The following AGAP5 variants were observed in gnomAD, a reference collection of about 807,000 sequenced individuals.
The protein encoded by AGAP5 is ArfGAP with GTPase domain, ankyrin repeat and PH domain 5.
AGAP5 carries 8 observed loss-of-function variants against 27.7 expected under a neutral mutation model. The observed-to-expected ratio is 0.29, with a 90% CI of 0.17 to 0.52. AGAP5 has a LOEUF of 0.52. Among genes scored for constraint, AGAP5 ranks in the 20% least tolerant of loss-of-function variants. AGAP5 has a pLI of 0.97. For synonymous variants in AGAP5, 111 were observed against 338.0 expected, an observed-to-expected ratio of 0.33 and a Z score of 7.37; for missense variants, 285 against 880.8, an observed-to-expected ratio of 0.32 and a Z score of 8.56.
chr10:73,697,419 A>G, intron 1 of AGAP5, 114 bp downstream of exon 1: 1 of 1,591,858 alleles, frequency 6.3e-7, no homozygotes, highest in Non-Finnish European at 8.5e-7. Context: ...AGCCCCCGGG[A>G]AAGCTGGCTA....
chr10:73,674,517 T>C lies in AGAP5; in HGVS notation c.*82A>G, dbSNP rs2081959086. On this transcript the variant is annotated 3_prime_UTR_variant, in exon 8 of 8. Coordinates refer to ENST00000374094, the MANE Select transcript of AGAP5 (RefSeq NM_001144000.4). ...ATGCTATTACTAGCTGAATTTGTGA[T>C]TTCCTTTTGAAATTCTGAGTTATCC... 2.5e-6 allele frequency: 4 copies of C among 1,589,080 alleles called. No individual in the cohort carries two copies. The highest frequency in any genetic ancestry group is 1.7e-5 in the Admixed American group (1 of 58,144).
intron 4 of AGAP5, among the ~76,000 whole-genome samples, chr10:73,686,478 G>A (rs758300739): frequency 5.9e-5 from 9 of 152,268 alleles, no homozygotes; most frequent in Admixed American, 2.0e-4. Flanking sequence ...GGAAAAACCC[G>A]TCTAGACACT....
At chr10:73,688,931 G>GCCT (rs2082087136) in intron 4 of AGAP5, among the ~76,000 whole-genome samples, 1 of 152,166 alleles carries the variant, frequency 6.6e-6, no homozygotes, top group South Asian at 2.1e-4. Context: ...AACTGCCTCT[G>GCCT]CCTCTGCCTC....
intron 4 of AGAP5, among the ~76,000 whole-genome samples, chr10:73,691,210 C>G (rs1443194610): frequency 1.3e-5 from 2 of 152,174 alleles, no homozygotes; most frequent in Non-Finnish European, 2.9e-5. Context: ...AGAACTGTTT[C>G]AGAGACAGGA....
intron 6 of AGAP5, among the ~76,000 whole-genome samples, chr10:73,677,278 T>C (rs1435874204): frequency 3.3e-5 from 5 of 151,222 alleles, no homozygotes; most frequent in Non-Finnish European, 5.9e-5. Context: ...ACTAATGCAT[T>C]GTGCCTGTGT....
At chr10:73,695,072 A>AT (rs2082150023) in intron 2 of AGAP5, among the ~76,000 whole-genome samples, 1 of 149,934 alleles carries the variant, frequency 6.7e-6, no homozygotes, top group Admixed American at 6.7e-5. Context: ...ACCCTCCTTT[A>AT]TTTAAAAAAA....
intron 4 of AGAP5, among the ~76,000 whole-genome samples, chr10:73,685,362 T>C (rs2082054787): frequency 6.6e-6 from 1 of 150,846 alleles, no homozygotes; most frequent in African/African-American, 2.4e-5. Context: ...CCTTGTATGC[T>C]GATTTTGCTG....
chr10:73,688,753 G>GAAA (rs1200310296), intron 4 of AGAP5, among the ~76,000 whole-genome samples: 1 of 152,090 alleles, frequency 6.6e-6, no homozygotes, highest in Non-Finnish European at 1.5e-5. Flanking sequence ...ATAGTCTGCA[G>GAAA]GTTTAGTAGC....
At position 73,687,744 on chromosome 10, in the gene AGAP5, AC is replaced by A. The variant is rs533897296; in HGVS notation, c.396+4298del. Among the ~76,000 whole-genome samples the A allele has an allele frequency of 6.6e-5, 10 of 152,344 alleles. No homozygotes were observed. The East Asian group carries it at 1.9e-3, about 29-fold the overall frequency. On this transcript the variant is annotated intron_variant, in intron 4 of 7. Coordinates refer to ENST00000374094, the MANE Select transcript of AGAP5 (RefSeq NM_001144000.4). ...AATTTGGATTAAATATAATAGATTG[AC>A]CACAAATTTATTTCATCTCCCTCCG...
At chr10:73,687,010 C>T (rs1589472056) in intron 4 of AGAP5, among the ~76,000 whole-genome samples, 2 of 151,918 alleles carry the variant, frequency 1.3e-5, no homozygotes, top group East Asian at 1.9e-4. Context: ...TAAAAGACTA[C>T]AAATTGGGTT....
chr10:73,696,928 G>A (rs1352984526), intron 2 of AGAP5, among the ~76,000 whole-genome samples, 167 bp downstream of exon 2: 1 of 152,068 alleles, frequency 6.6e-6, no homozygotes, highest in Non-Finnish European at 1.5e-5. Flanking sequence ...CACTTACCTG[G>A]TTCCTTCACT....
chr10:73,678,851 T>A (rs2082001229), intron 6 of AGAP5, among the ~76,000 whole-genome samples: 1 of 151,204 alleles, frequency 6.6e-6, no homozygotes. Context: ...GTCATCTTAT[T>A]GCTTCTTTTT....
chr10:73,689,886 C>T (rs548779952), intron 4 of AGAP5, among the ~76,000 whole-genome samples: 8 of 151,766 alleles, frequency 5.3e-5, no homozygotes, highest in South Asian at 4.2e-4. Flanking sequence ...CCCGGCCAGC[C>T]GCCCCGTCCG....
Position 73,697,921 on chromosome 10 carries a change from C to T in AGAP5, c.-166G>A. On this transcript the variant is annotated 5_prime_UTR_variant, in exon 1 of 8. Coordinates refer to ENST00000374094, the MANE Select transcript of AGAP5 (RefSeq NM_001144000.4). ...CCGGGCACCATCCCTGGCCCCGGCC[C>T]CGGCCCCGGCTAGGGCTGCGGGTCA... 2 of 1,530,114 alleles carry T rather than the reference C, an allele frequency of 1.3e-6. No individual in the cohort carries two copies. Among genetic ancestry groups the T allele is most frequent in the Non-Finnish European group, 1.7e-6 (2 of 1,143,768 alleles). 94.8% of individuals were successfully genotyped at this position (1,530,114 alleles called of 1,614,324 possible).
At chr10:73,696,405 C>A (rs889037868) in intron 2 of AGAP5, among the ~76,000 whole-genome samples, 2 of 152,234 alleles carry the variant, frequency 1.3e-5, no homozygotes, top group Admixed American at 6.5e-5. Flanking sequence ...AACACTCTTA[C>A]AGGGAAGGTC....
intron 4 of AGAP5, among the ~76,000 whole-genome samples, chr10:73,689,787 C>T (rs1240772763): frequency 3.0e-4 from 46 of 151,918 alleles, no homozygotes; most frequent in Non-Finnish European, 5.6e-4. Flanking sequence ...AGCCCCTCCG[C>T]CCGGCAGCCA....
At chr10:73,680,461 A>C (rs2082016034) in intron 5 of AGAP5, among the ~76,000 whole-genome samples, 1 of 139,538 alleles carries the variant, frequency 7.2e-6, no homozygotes, top group Non-Finnish European at 1.6e-5. Context: ...TCTCTTGCTC[A>C]GACTGGACTG....
intron 6 of AGAP5, among the ~76,000 whole-genome samples, chr10:73,679,296 G>A (rs1167323607): frequency 6.6e-5 from 10 of 152,040 alleles, no homozygotes; most frequent in Non-Finnish European, 1.2e-4. Flanking sequence ...CAGAATAGGT[G>A]GGACTACAGG....
intron 6 of AGAP5, among the ~76,000 whole-genome samples, chr10:73,679,364 G>A (rs1251002851): frequency 9.9e-5 from 15 of 152,036 alleles, no homozygotes; most frequent in Middle Eastern, 3.4e-3. Context: ...GGGTTTCGCC[G>A]TGTTAGCCAG....
Sources: allele counts gnomAD v4.1 joint callset (sites outside exome capture counted in the v4.1 genomes callset), GRCh38; gene constraint gnomAD v4.1.1; transcripts MANE v1.5; gene names NCBI Gene and HGNC (gene_info 2026-07-23, HGNC 2026-07-21).